The following MSI2 variants were observed in gnomAD, a reference collection of about 807,000 sequenced individuals.
MSI2 encodes RNA-binding protein Musashi homolog 2.
A neutral mutation model predicts 45.6 loss-of-function variants in MSI2; 17 were observed. The observed-to-expected ratio is 0.37, with a 90% CI of 0.26 to 0.56. The LOEUF is 0.56. Ranked by LOEUF, MSI2 falls within the 20% of genes least tolerant of loss-of-function variation. The pLI, the probability that MSI2 is intolerant of heterozygous loss-of-function variation, is 0.77. For synonymous variants in MSI2, 156 were observed against 158.2 expected, an observed-to-expected ratio of 0.99 and a Z score of 0.11; for missense variants, 293 against 444.2, an observed-to-expected ratio of 0.66 and a Z score of 3.06.
intron 6 of MSI2, among the ~76,000 whole-genome samples, chr17:57,409,658 C>T (rs1457950811): frequency 2.0e-5 from 3 of 152,090 alleles, no homozygotes; most frequent in Non-Finnish European, 4.4e-5. Context: ...GATGGAGGGG[C>T]TGTTACCATG....
At chr17:57,645,011 A>C (rs1468272749) in intron 10 of MSI2, among the ~76,000 whole-genome samples, 1 of 152,138 alleles carries the variant, frequency 6.6e-6, no homozygotes, top group African/African-American at 2.4e-5. Flanking sequence ...AGGCAAAGAA[A>C]AGGGTTCATG....
At chr17:57,434,927 G>T (rs1048521719) in intron 6 of MSI2, among the ~76,000 whole-genome samples, 17 of 152,206 alleles carry the variant, frequency 1.1e-4, no homozygotes, top group African/African-American at 3.9e-4. Context: ...GGCACTGGGG[G>T]ATATAAGATG....
chr17:57,423,562 A>G (rs1230267010), intron 6 of MSI2, among the ~76,000 whole-genome samples: 1 of 152,142 alleles, frequency 6.6e-6, no homozygotes, highest in Non-Finnish European at 1.5e-5. Flanking sequence ...CACCATCACC[A>G]TCCTCCTTCT....
At chr17:57,643,237 C>T (rs912773191) in intron 10 of MSI2, among the ~76,000 whole-genome samples, 8 of 152,174 alleles carry the variant, frequency 5.3e-5, no homozygotes, top group East Asian at 1.9e-4. Context: ...GCACCCCCTA[C>T]GAGTGGGATG....
At chr17:57,327,372 A>G (rs1310018758) in intron 5 of MSI2, among the ~76,000 whole-genome samples, 2 of 152,214 alleles carry the variant, frequency 1.3e-5, no homozygotes, top group Non-Finnish European at 2.9e-5. Context: ...AGGGACCCAG[A>G]TCTAATACAG....
rs564924903 is a variant in MSI2 at position 57,565,665 on chromosome 17, C to T, written c.455-31203C>T. 2.4e-3 allele frequency among the ~76,000 whole-genome samples: 278 copies of T among 113,926 alleles called. 2 individuals are homozygous for T. Among genetic ancestry groups the T allele is most frequent in the Admixed American group, 7.1e-3 (83 of 11,702 alleles). The allele number at this position is 113,926 out of a possible 152,430, so 74.7% of individuals were successfully genotyped here. On this transcript the variant is annotated intron_variant, in intron 7 of 13. Transcript: ENST00000284073. ...AGACATGTTTTATTTTATACCCCCT[C>T]GACTAACACCCATGCCTGGCACATC...
chr17:57,372,930 A>G (rs2143970685), intron 5 of MSI2, among the ~76,000 whole-genome samples: 1 of 152,228 alleles, frequency 6.6e-6, no homozygotes, highest in Middle Eastern at 3.4e-3. Flanking sequence ...CAGAATTATG[A>G]AAATAAAGGG....
At chr17:57,613,270 G>A (rs185089798) in intron 8 of MSI2, among the ~76,000 whole-genome samples, 333 of 152,236 alleles carry the variant, frequency 2.2e-3, no homozygotes, top group Non-Finnish European at 2.1e-3. Flanking sequence ...TATGATATAT[G>A]CACTTGTTTA....
At chr17:57,700,231 C>A in the MSI2 span, among the ~76,000 whole-genome samples, 1 of 152,194 alleles carries the variant, frequency 6.6e-6, no homozygotes, top group Non-Finnish European at 1.5e-5. Flanking sequence ...TCTAGCTCGG[C>A]TGTGCTTTTA....
chr17:57,676,849 C>T, intron 12 of MSI2, 138 bp from the exon 13 acceptor site: 1 of 712,716 alleles, frequency 1.4e-6, no homozygotes, highest in Non-Finnish European at 2.6e-6. Context: ...CCTGGCCCCT[C>T]ATGGCACGGT....
chr17:57,490,529 A>G (rs1374158648), intron 6 of MSI2, among the ~76,000 whole-genome samples: 1 of 152,226 alleles, frequency 6.6e-6, no homozygotes. Flanking sequence ...GTTGTCCAGG[A>G]AGGGCTTGTG....
At chr17:57,589,072 G>A (rs1311460395) in intron 7 of MSI2, among the ~76,000 whole-genome samples, 1 of 152,156 alleles carries the variant, frequency 6.6e-6, no homozygotes, top group Non-Finnish European at 1.5e-5. Flanking sequence ...GGAAGCAGAT[G>A]CGAGTTGTAA....
chr17:57,320,330 G>A (rs962793726), intron 5 of MSI2, among the ~76,000 whole-genome samples: 66 of 152,130 alleles, frequency 4.3e-4, no homozygotes, highest in African/African-American at 1.5e-3. Context: ...TCTGCTTTTT[G>A]CCTCTCTTGG....
chr17:57,619,954 A>T (rs538199419), intron 9 of MSI2, among the ~76,000 whole-genome samples: 169 of 152,328 alleles, frequency 1.1e-3, no homozygotes, highest in African/African-American at 3.8e-3. Flanking sequence ...CCTGCTGCTG[A>T]AGGCCTTTGC....
chr17:57,420,576 G>C (rs962448250), intron 6 of MSI2, among the ~76,000 whole-genome samples: 24 of 152,202 alleles, frequency 1.6e-4, no homozygotes, highest in Admixed American at 7.9e-4. Context: ...TTCCCAGCCT[G>C]AATTAGATTC....
chr17:57,386,987 G>C (rs1243049040), intron 5 of MSI2, among the ~76,000 whole-genome samples: 1 of 152,198 alleles, frequency 6.6e-6, no homozygotes, highest in South Asian at 2.1e-4. Context: ...GTGCCCTTCA[G>C]AGAGAGCCAC....
rs1397462035 is a variant in MSI2, at chr17:57,587,556, A to C, written c.455-9312A>C. Among the ~76,000 whole-genome samples the C allele has an allele frequency of 8.8e-5, 10 of 114,158 alleles. No homozygotes were observed. In the South Asian group the frequency reaches 1.1e-3, roughly 13 times the overall value. 74.9% of individuals were successfully genotyped at this position (114,158 alleles called of 152,430 possible). ...TGAGATCACTCCCCGCCCCCCACCC[A>C]ACTCCCCCCAGCCCCAAAGGTGGCT... On this transcript the variant is annotated intron_variant, in intron 7 of 13. Coordinates refer to ENST00000284073, the MANE Select transcript of MSI2 (RefSeq NM_138962.4).
At chr17:57,544,835 C>T (rs1219885044) in intron 7 of MSI2, among the ~76,000 whole-genome samples, 1 of 152,236 alleles carries the variant, frequency 6.6e-6, no homozygotes, top group Non-Finnish European at 1.5e-5. Context: ...TACCCTCCCC[C>T]TTTCAAAGGA....
chr17:57,424,275 T>A (rs890328565), intron 6 of MSI2, among the ~76,000 whole-genome samples: 1 of 152,210 alleles, frequency 6.6e-6, no homozygotes, highest in Non-Finnish European at 1.5e-5. Flanking sequence ...AAGGTATCCT[T>A]CTGGGATGAG....
Sources: allele counts gnomAD v4.1 joint callset (sites outside exome capture counted in the v4.1 genomes callset), GRCh38; gene constraint gnomAD v4.1.1; transcripts MANE v1.5; gene names NCBI Gene and HGNC (gene_info 2026-07-23, HGNC 2026-07-21).